The following PRKN variants were observed in gnomAD, a reference collection of about 807,000 sequenced individuals.
PRKN encodes the protein parkin RBR E3 ubiquitin protein ligase.
PRKN carries 56 observed loss-of-function variants against 59.5 expected under a neutral mutation model. The ratio of observed to expected loss-of-function variants is 0.94; its 90% CI spans 0.76 to 1.18. PRKN has a LOEUF of 1.18. Among genes scored for constraint, PRKN ranks in the 50% most tolerant of loss-of-function variants. PRKN has a pLI of 0.00. For synonymous variants in PRKN, 250 were observed against 222.1 expected (o/e 1.13, Z -1.12); for missense variants, 657 against 596.4 (o/e 1.10, Z -1.06).
intron 1 of PRKN, among the ~76,000 whole-genome samples, chr6:162,608,953 C>T (rs1782031587): frequency 6.6e-6 from 1 of 152,078 alleles, no homozygotes; most frequent in African/African-American, 2.4e-5. Context: ...TCCACGTTTC[C>T]TGGGAGTGGA....
chr6:162,129,703 T>C (rs1441294845), intron 4 of PRKN, among the ~76,000 whole-genome samples: 2 of 152,222 alleles, frequency 1.3e-5, no homozygotes, highest in Non-Finnish European at 2.9e-5. Context: ...TAAAATACTT[T>C]TCCTGATGTG....
intron 9 of PRKN, among the ~76,000 whole-genome samples, chr6:161,449,452 A>G (rs1267882218): frequency 6.6e-6 from 1 of 152,208 alleles, no homozygotes; most frequent in Admixed American, 6.5e-5. Context: ...AGGCGATTTT[A>G]TTCAAAGAAG....
chr6:162,134,632 C>T (rs949323042), intron 4 of PRKN, among the ~76,000 whole-genome samples: 5 of 152,054 alleles, frequency 3.3e-5, no homozygotes, highest in Non-Finnish European at 5.9e-5. Context: ...TAGTTAAAGG[C>T]TTTGAAGCAA....
chr6:161,580,159 T>C (rs945192558), intron 7 of PRKN, among the ~76,000 whole-genome samples: 3 of 152,244 alleles, frequency 2.0e-5, no homozygotes, highest in African/African-American at 7.2e-5. Context: ...AATTACACTA[T>C]GGTTTGATTG....
chr6:161,939,964 T>C (rs1038818883), intron 6 of PRKN, among the ~76,000 whole-genome samples: 4 of 151,988 alleles, frequency 2.6e-5, no homozygotes. Context: ...GATGGCGCCA[T>C]CTCGGCTCAC....
rs1380190801 is a variant in PRKN, at chr6:161,348,261, G to T, written c.*1838C>A. 4.9e-6 allele frequency: 1 copy of T among 202,826 alleles called. No individual in the cohort carries two copies. Among genetic ancestry groups the T allele is most frequent in the Non-Finnish European group, 1.0e-5 (1 of 98,908 alleles). 12.6% of individuals were successfully genotyped at this position (202,826 alleles called of 1,614,324 possible). A position where few individuals can be genotyped will look rare whatever the true frequency, so the allele number is the denominator to read the frequency against. On this transcript the variant is annotated 3_prime_UTR_variant, in exon 12 of 12. Coordinates refer to ENST00000366898, the MANE Select transcript of PRKN (RefSeq NM_004562.3). The surrounding 1 kb of genome is among the most constrained non-coding windows in gnomAD (Gnocchi z 4.9). ...GACACTAAGTCAGGCCTTGATCAGGGTCTGGACTCAGTATGGACACGAGCC... is the reference window on the plus strand; with the variant it reads ...GACACTAAGTCAGGCCTTGATCAGGTTCTGGACTCAGTATGGACACGAGCC...
intron 1 of PRKN, among the ~76,000 whole-genome samples, chr6:162,578,989 A>T (rs1387212875): frequency 2.0e-5 from 3 of 152,210 alleles, no homozygotes; most frequent in Non-Finnish European, 2.9e-5. Context: ...TTCTTATTCA[A>T]AAAGTTTATT....
intron 1 of PRKN, among the ~76,000 whole-genome samples, chr6:162,516,864 A>T (rs1777884787): frequency 6.6e-6 from 1 of 152,176 alleles, no homozygotes; most frequent in African/African-American, 2.4e-5. Flanking sequence ...GATGCCTACT[A>T]TATAGCTGGA....
At position 161,588,452 on chromosome 6, in the gene PRKN, C is replaced by A. The variant is rs1340705460; in HGVS notation, c.872-19036G>T. The stretch of plus-strand genomic sequence containing the variant: ...TGTTATTCTAACTCATTCTGTGCCT[C>A]ATTCAGTAAAAGGCTATGAAGCAAT... On this transcript the variant is annotated intron_variant, in intron 7 of 11. Coordinates refer to ENST00000366898, the MANE Select transcript of PRKN (RefSeq NM_004562.3). This position sits in a 1 kb window ranked among gnomAD's most constrained non-coding sequence, Gnocchi z 5.0. Among the ~76,000 whole-genome samples, 1 of 151,992 alleles carries A rather than the reference C, an allele frequency of 6.6e-6. No homozygotes were observed. The highest frequency in any genetic ancestry group is 1.5e-5 in the Non-Finnish European group (1 of 68,020).
At chr6:161,922,635 A>T (rs1452992921) in intron 6 of PRKN, among the ~76,000 whole-genome samples, 1 of 152,182 alleles carries the variant, frequency 6.6e-6, no homozygotes, top group Admixed American at 6.5e-5. Flanking sequence ...TGGAGTAACT[A>T]ACATAGGTCA....
chr6:161,855,910 A>G (rs757891013), intron 6 of PRKN, among the ~76,000 whole-genome samples: 6 of 152,218 alleles, frequency 3.9e-5, no homozygotes, highest in South Asian at 2.1e-4. Flanking sequence ...GGTTCATCCC[A>G]AGGATTTAAG....
chr6:162,612,369 T>C (rs1782225268), intron 1 of PRKN, among the ~76,000 whole-genome samples: 1 of 151,696 alleles, frequency 6.6e-6, no homozygotes, highest in Non-Finnish European at 1.5e-5. Context: ...TTCCTCATCT[T>C]GGAAGGGATC....
chr6:161,663,284 T>C (rs1158869011), intron 7 of PRKN, among the ~76,000 whole-genome samples: 2 of 152,002 alleles, frequency 1.3e-5, no homozygotes, highest in African/African-American at 4.8e-5. Flanking sequence ...CTCTGGGGAG[T>C]GAAATCCTAG....
chr6:161,702,834 C>A (rs1235734971), intron 7 of PRKN, among the ~76,000 whole-genome samples: 1 of 151,890 alleles, frequency 6.6e-6, no homozygotes, highest in Admixed American at 6.6e-5. Context: ...AATTCTGAGG[C>A]CTGATACCAA....
chr6:161,740,141 G>A (rs78093581), intron 7 of PRKN, among the ~76,000 whole-genome samples: 3,984 of 152,234 alleles, frequency 0.026, 181 homozygotes, highest in African/African-American at 0.091. Context: ...TGCCCAAAGC[G>A]ACTTGACATT....
intron 2 of PRKN, among the ~76,000 whole-genome samples, chr6:162,274,234 G>A (rs1288821454): frequency 6.6e-6 from 1 of 151,790 alleles, no homozygotes; most frequent in Non-Finnish European, 1.5e-5. Flanking sequence ...CTGTCACTCA[G>A]GCTGGAGTGC....
At chr6:162,017,072 T>C (rs1782960390) in intron 5 of PRKN, among the ~76,000 whole-genome samples, 1 of 152,212 alleles carries the variant, frequency 6.6e-6, no homozygotes, top group Non-Finnish European at 1.5e-5. Context: ...TCTAAGATCA[T>C]AGCATGTGGA....
chr6:162,201,283 A>G, intron 3 of PRKN, 31 bp from the exon 4 acceptor site: 1 of 1,610,310 alleles, frequency 6.2e-7, no homozygotes, highest in Non-Finnish European at 8.5e-7. Flanking sequence ...GAAGTGGCTA[A>G]TAATGCTGCA....
At chr6:162,648,754 T>C (rs1433327305) in intron 1 of PRKN, among the ~76,000 whole-genome samples, 1 of 152,186 alleles carries the variant, frequency 6.6e-6, no homozygotes, top group East Asian at 1.9e-4. Context: ...ACTGATCTCA[T>C]AGAGTGTGCA....
Sources: allele counts gnomAD v4.1 joint callset (sites outside exome capture counted in the v4.1 genomes callset), GRCh38; gene constraint gnomAD v4.1.1; non-coding constraint Gnocchi (gnomAD v3.1); transcripts MANE v1.5; gene names NCBI Gene and HGNC (gene_info 2026-07-23, HGNC 2026-07-21).